The following UBAC2 variants were observed in gnomAD, a reference collection of about 807,000 sequenced individuals.
The protein encoded by UBAC2 is UBA domain containing 2.
A neutral mutation model predicts 44.0 loss-of-function variants in UBAC2; 26 were observed. The observed-to-expected ratio is 0.59, with a 90% CI of 0.43 to 0.82. The LOEUF (loss-of-function observed/expected upper bound fraction) is 0.82. Ranked by LOEUF, UBAC2 falls within the 40% of genes least tolerant of loss-of-function variation. UBAC2 has a pLI of 0.00. For missense variants in UBAC2, 329 were observed against 419.4 expected, an observed-to-expected ratio of 0.78 and a Z score of 1.88; for synonymous variants, 155 against 154.3, an observed-to-expected ratio of 1.00 and a Z score of -0.04.
intron 8 of UBAC2, among the ~76,000 whole-genome samples, chr13:99,383,152 A>ATGTGTG (rs137873801): frequency 6.6e-6 from 1 of 151,898 alleles, no homozygotes; most frequent in African/African-American, 2.4e-5. Context: ...AGTAGTGTGC[A>ATGTGTG]TGTGTGTGTG....
At chr13:99,217,834 T>C (rs1267145218) in intron 1 of UBAC2, among the ~76,000 whole-genome samples, 1 of 152,170 alleles carries the variant, frequency 6.6e-6, no homozygotes, top group African/African-American at 2.4e-5. Flanking sequence ...AGGGCCGAGT[T>C]GTTAGGTGGG....
chr13:99,369,612 C>T (rs1215417528), intron 8 of UBAC2, among the ~76,000 whole-genome samples: 2 of 152,162 alleles, frequency 1.3e-5, no homozygotes, highest in African/African-American at 4.8e-5. Context: ...ATATTTTCAA[C>T]GTACAGTGGA....
At chr13:99,294,861 G>T in intron 4 of UBAC2, 1 of 453,222 alleles carries the variant, frequency 2.2e-6, no homozygotes, top group East Asian at 3.5e-5. Flanking sequence ...ATATTTATTT[G>T]CATTTTTATT....
At chr13:99,242,365 G>GACCCCCCCACCTCCC (rs2043315293) in intron 2 of UBAC2, among the ~76,000 whole-genome samples, 1 of 147,594 alleles carries the variant, frequency 6.8e-6, no homozygotes, top group African/African-American at 2.5e-5. Flanking sequence ...CGGGGCGGCT[G>GACCCCCCCACCTCCC]TCCGGGCAGA....
intron 4 of UBAC2, among the ~76,000 whole-genome samples, chr13:99,302,646 G>C (rs1332739332): frequency 6.6e-6 from 1 of 152,172 alleles, no homozygotes; most frequent in Non-Finnish European, 1.5e-5. Context: ...TCATCTGAGG[G>C]ATTATGGGTG....
chr13:99,291,603 T>C (rs1451315275), intron 4 of UBAC2, among the ~76,000 whole-genome samples: 3 of 152,252 alleles, frequency 2.0e-5, no homozygotes, highest in Non-Finnish European at 4.4e-5. Context: ...CCCTTGCCTC[T>C]TGAAATATAA....
Position 99,286,848 on chromosome 13 carries a change from C to T in UBAC2, c.390-27249C>T, listed in dbSNP as rs150626747. Among the ~76,000 whole-genome samples the T allele has an allele frequency of 2.4e-3, 364 of 152,290 alleles. 4 individuals are homozygous for T. The highest frequency in any genetic ancestry group is 0.011 in the South Asian group (52 of 4,826). ...GTAACCTTAGAATGTGGCCAGTGCG[C>T]GTCCCATTCTCCTATGATTTGAATT... On this transcript the variant is annotated intron_variant, in intron 4 of 8. Coordinates refer to ENST00000403766, the MANE Select transcript of UBAC2 (RefSeq NM_001144072.2).
At chr13:99,349,487 G>A (rs1222165276) in intron 7 of UBAC2, among the ~76,000 whole-genome samples, 2 of 152,160 alleles carry the variant, frequency 1.3e-5, no homozygotes, top group African/African-American at 4.8e-5. Flanking sequence ...ACCAGTAGTG[G>A]CCCTGAACGG....
At position 99,295,916 on chromosome 13, in the gene UBAC2, T is replaced by A; in HGVS notation, c.390-18181T>A. ...AGGCAAAGCGGTGGTAAAAAGTATA[T>A]CAGAAATCACCAAATTTGTTGAATA... On this transcript the variant is annotated intron_variant, in intron 4 of 8. Coordinates refer to ENST00000403766, the MANE Select transcript of UBAC2 (RefSeq NM_001144072.2). The surrounding 1 kb of genome is among the most constrained non-coding windows in gnomAD (Gnocchi z 4.1). 6.2e-7 allele frequency: 1 copy of A among 1,613,672 alleles called. No individual in the cohort carries two copies. The highest frequency in any genetic ancestry group is 8.5e-7 in the Non-Finnish European group (1 of 1,179,794).
intron 4 of UBAC2, among the ~76,000 whole-genome samples, chr13:99,274,819 G>A (rs1312867340): frequency 6.6e-6 from 1 of 151,754 alleles, no homozygotes; most frequent in African/African-American, 2.4e-5. Context: ...CTGGCCTCAG[G>A]TGATCCTCCC....
At chr13:99,259,226 C>T (rs973141234) in intron 4 of UBAC2, among the ~76,000 whole-genome samples, 4 of 151,960 alleles carry the variant, frequency 2.6e-5, no homozygotes, top group African/African-American at 9.7e-5. Flanking sequence ...CTCTCATTTG[C>T]TTATCCTAAA....
At chr13:99,272,773 A>G (rs1258911902) in intron 4 of UBAC2, among the ~76,000 whole-genome samples, 1 of 152,122 alleles carries the variant, frequency 6.6e-6, no homozygotes, top group South Asian at 2.1e-4. Context: ...CCTACCTCCA[A>G]ATACCACCAC....
chr13:99,272,554 T>C (rs1481829426), intron 4 of UBAC2, among the ~76,000 whole-genome samples: 1 of 152,178 alleles, frequency 6.6e-6, no homozygotes, highest in Non-Finnish European at 1.5e-5. Flanking sequence ...TTTTGGAGGC[T>C]AGAAGTCCAA....
chr13:99,367,394 G>A (rs899859491), intron 7 of UBAC2, among the ~76,000 whole-genome samples: 3 of 152,132 alleles, frequency 2.0e-5, no homozygotes, highest in East Asian at 1.9e-4. Flanking sequence ...ATTTAGCCTC[G>A]TCTCCATGCC....
chr13:99,330,942 C>A (rs556955694), intron 6 of UBAC2, among the ~76,000 whole-genome samples: 20 of 152,104 alleles, frequency 1.3e-4, no homozygotes, highest in Non-Finnish European at 2.6e-4. Context: ...GAGGATGGTC[C>A]GCTTGTTAAA....
At chr13:99,211,102 G>A (rs756891669) in intron 1 of UBAC2, among the ~76,000 whole-genome samples, 10 of 152,196 alleles carry the variant, frequency 6.6e-5, no homozygotes, top group Middle Eastern at 6.3e-3. Context: ...CCAAAGGGTA[G>A]TACCAATTTA....
At chr13:99,272,588 G>A (rs1594075603) in intron 4 of UBAC2, among the ~76,000 whole-genome samples, 1 of 152,178 alleles carries the variant, frequency 6.6e-6, no homozygotes, top group South Asian at 2.1e-4. Context: ...GCATGGTCAA[G>A]TTCTGGTGAG....
At chr13:99,343,285 GC>G (rs140532589) in intron 7 of UBAC2, among the ~76,000 whole-genome samples, 14,215 of 152,284 alleles carry the variant, frequency 0.093, 715 homozygotes, top group East Asian at 0.13. Context: ...GGGATTCTTG[GC>G]TGTTTGCGCA....
intron 8 of UBAC2, among the ~76,000 whole-genome samples, chr13:99,383,094 CAGTG>C (rs1400276320): frequency 1.3e-5 from 2 of 152,194 alleles, no homozygotes; most frequent in East Asian, 1.9e-4. Flanking sequence ...AGCCACCTGG[CAGTG>C]AGGCCAGGGC....
Sources: allele counts gnomAD v4.1 joint callset (sites outside exome capture counted in the v4.1 genomes callset), GRCh38; gene constraint gnomAD v4.1.1; non-coding constraint Gnocchi (gnomAD v3.1); transcripts MANE v1.5; gene names NCBI Gene and HGNC (gene_info 2026-07-23, HGNC 2026-07-21).